IGFL2: variants seen among roughly 807,000 people sequenced by gnomAD.
IGFL2 encodes the protein IGF like family member 2.
IGFL2 carries 7 observed loss-of-function variants against 13.9 expected under a neutral mutation model. That is an observed-to-expected ratio of 0.51 (90% CI 0.29 to 0.95). The LOEUF (loss-of-function observed/expected upper bound fraction) is 0.95. IGFL2 is among the 40% of genes least tolerant of loss of function. IGFL2 has a pLI of 0.08. For missense variants in IGFL2, 138 were observed against 147.8 expected (o/e 0.93, Z 0.34); for synonymous variants, 55 against 55.8 (o/e 0.99, Z 0.07).
chr19:46,103,472 C>T, the IGFL2 span, among the ~76,000 whole-genome samples: 11 of 152,058 alleles, frequency 7.2e-5, no homozygotes, highest in Admixed American at 2.0e-4. Context: ...AGGACTTCAT[C>T]AGGGTGAAAG....
the IGFL2 span, among the ~76,000 whole-genome samples, chr19:46,172,946 A>T: frequency 3.4e-3 from 514 of 152,186 alleles, 3 homozygotes; most frequent in Non-Finnish European, 4.3e-3. Flanking sequence ...ATACCCCTCT[A>T]TGTAATATAG....
chr19:46,124,614 G>A, the IGFL2 span: 1 of 1,605,258 alleles, frequency 6.2e-7, no homozygotes, highest in Non-Finnish European at 8.5e-7. Flanking sequence ...TGGATTTGGG[G>A]TCCTACTTGC....
chr19:46,102,074 G>C, the IGFL2 span, among the ~76,000 whole-genome samples: 1 of 152,190 alleles, frequency 6.6e-6, no homozygotes, highest in Non-Finnish European at 1.5e-5. Flanking sequence ...ACTTTCCCAG[G>C]GGTAACAAAG....
the IGFL2 span, among the ~76,000 whole-genome samples, chr19:46,120,683 T>C: frequency 6.6e-6 from 1 of 151,046 alleles, no homozygotes; most frequent in Non-Finnish European, 1.5e-5. Context: ...GAAATTCAGT[T>C]TGGGATATGA....
At chr19:46,166,780 C>T in the IGFL2 span, among the ~76,000 whole-genome samples, 12 of 152,326 alleles carry the variant, frequency 7.9e-5, no homozygotes, top group Non-Finnish European at 1.8e-4. Context: ...CTCCCATTTG[C>T]TTTTGAAAGA....
At chr19:46,198,824 A>T in the IGFL2 span, among the ~76,000 whole-genome samples, 1 of 152,212 alleles carries the variant, frequency 6.6e-6, no homozygotes, top group African/African-American at 2.4e-5. Context: ...CTGTACACAC[A>T]TGCAATGCCA....
At chr19:46,093,662 G>A in the IGFL2 span, among the ~76,000 whole-genome samples, 2 of 152,038 alleles carry the variant, frequency 1.3e-5, no homozygotes, top group Non-Finnish European at 2.9e-5. Context: ...GAATTCATAG[G>A]ACAAATAAAT....
chr19:46,122,699 A>G, the IGFL2 span, among the ~76,000 whole-genome samples: 2 of 150,924 alleles, frequency 1.3e-5, no homozygotes, highest in Non-Finnish European at 2.9e-5. Flanking sequence ...TGTTGCATGG[A>G]AAAATGCCCC....
chr19:46,173,071 T>G, the IGFL2 span, among the ~76,000 whole-genome samples: 1 of 152,158 alleles, frequency 6.6e-6, no homozygotes, highest in African/African-American at 2.4e-5. Flanking sequence ...AGATTAAAGG[T>G]CTTTGGGTTG....
chr19:46,208,844 C>G, the IGFL2 span: 1 of 152,128 alleles, frequency 6.6e-6, no homozygotes, highest in African/African-American at 2.4e-5. Context: ...TCAATTAAAC[C>G]TCTTTCCTTT....
the IGFL2 span, chr19:46,190,088 G>T: frequency 6.6e-6 from 1 of 152,166 alleles, no homozygotes; most frequent in East Asian, 1.9e-4. Context: ...CAGTTTGCTG[G>T]TGCTGCAGAA....
chr19:46,115,407 G>A, the IGFL2 span, among the ~76,000 whole-genome samples: 5,558 of 152,212 alleles, frequency 0.037, 157 homozygotes, highest in East Asian at 0.071. Flanking sequence ...ATAAGGCGGC[G>A]TCAGTAGAAA....
the IGFL2 span, chr19:46,179,686 G>A: frequency 3.9e-5 from 6 of 152,276 alleles, no homozygotes; most frequent in East Asian, 3.9e-4. Context: ...CAGCCCTTTG[G>A]GAGGCCACGA....
At chr19:46,097,351 T>C in the IGFL2 span, among the ~76,000 whole-genome samples, 1 of 152,214 alleles carries the variant, frequency 6.6e-6, no homozygotes, top group Non-Finnish European at 1.5e-5. Context: ...TTCTGCAGGG[T>C]CAGTGGTGCT....
At chr19:46,091,190 T>C in the IGFL2 span, among the ~76,000 whole-genome samples, 1 of 152,328 alleles carries the variant, frequency 6.6e-6, no homozygotes, top group East Asian at 1.9e-4. Context: ...TAATGCACCA[T>C]CTTGCTCTGC....
At chr19:46,182,700 T>C in the IGFL2 span, among the ~76,000 whole-genome samples, 1 of 152,206 alleles carries the variant, frequency 6.6e-6, no homozygotes, top group African/African-American at 2.4e-5. Flanking sequence ...ATGTGTCAGA[T>C]CGTCCCTTTT....
chr19:46,125,190 C>T, the IGFL2 span, among the ~76,000 whole-genome samples: 1 of 152,160 alleles, frequency 6.6e-6, no homozygotes, highest in African/African-American at 2.4e-5. Context: ...TTGCCACCTG[C>T]TCTAGCAGTT....
chr19:46,178,138 A>G, the IGFL2 span, among the ~76,000 whole-genome samples: 2 of 152,104 alleles, frequency 1.3e-5, no homozygotes, highest in Non-Finnish European at 2.9e-5. Flanking sequence ...TTAGTCGGGC[A>G]TGGTGGCGCA....
the IGFL2 span, among the ~76,000 whole-genome samples, chr19:46,176,879 C>T: frequency 5.3e-5 from 8 of 152,304 alleles, no homozygotes; most frequent in Admixed American, 1.3e-4. Flanking sequence ...CACTGGGCTG[C>T]ACCCCACATT....
Sources: gnomAD v4.1 joint callset for allele counts (sites outside exome capture counted in the v4.1 genomes callset) on GRCh38, gnomAD v4.1.1 for gene constraint, MANE v1.5 for transcripts, NCBI Gene and HGNC (gene_info 2026-07-23, HGNC 2026-07-21) for gene names.